SIK3: variants seen among roughly 807,000 people sequenced by gnomAD.
The protein encoded by SIK3 is serine/threonine-protein kinase SIK3.
A neutral mutation model predicts 144.2 loss-of-function variants in SIK3; 28 were observed. That is an observed-to-expected ratio of 0.19 (90% CI 0.14 to 0.27). The LOEUF (loss-of-function observed/expected upper bound fraction) is 0.27, where lower values mean the gene tolerates loss of function less well. Among genes scored for constraint, SIK3 ranks in the 10% least tolerant of loss-of-function variants. The probability of loss-of-function intolerance (pLI) is 1.00; values close to 1 mark genes in which losing one functional copy is unlikely to be tolerated. For missense variants in SIK3, 1,319 were observed against 1,776.0 expected, an observed-to-expected ratio of 0.74 and a Z score of 4.62; for synonymous variants, 686 against 676.3, an observed-to-expected ratio of 1.01 and a Z score of -0.22.
intron 4 of SIK3, among the ~76,000 whole-genome samples, chr11:116,919,641 C>G (rs925978450): frequency 6.6e-6 from 1 of 152,178 alleles, no homozygotes; most frequent in Admixed American, 6.5e-5. Context: ...TTTTCTCAGG[C>G]AATCTATTTT....
In SIK3 at chr11:116,858,348, C is replaced by T. The variant is rs1943097717; in HGVS notation, c.3117G>A (p.Glu1039=). ...GCTGCCTTTTAATGAGCTGTGCAAA[C>T]TCTGTTGGGGGCAGCCGGATGTCCG... ...GHSDIRLPPT[E]FAQLIKRQQQ... The change falls in exon 21 of 25, where the codon GAG becomes GAA. Residue 1039 remains glutamate (E), a synonymous_variant. Coordinates refer to ENST00000445177, the MANE Select transcript of SIK3 (RefSeq NM_001366686.3). The surrounding 1 kb of genome is among the most constrained non-coding windows in gnomAD (Gnocchi z 5.4). 1.2e-6 allele frequency: 2 copies of T among 1,613,756 alleles called. No individual in the cohort carries two copies. Among genetic ancestry groups the T allele is most frequent in the African/African-American group, 1.3e-5 (1 of 74,914 alleles).
intron 1 of SIK3, among the ~76,000 whole-genome samples, chr11:117,003,615 A>AC (rs1950937738): frequency 6.6e-6 from 1 of 152,104 alleles, no homozygotes; most frequent in East Asian, 1.9e-4. Flanking sequence ...ACAAAGCGAG[A>AC]CCCCAACTCT....
intron 1 of SIK3, among the ~76,000 whole-genome samples, chr11:117,008,510 A>G (rs1160572940): frequency 1.3e-5 from 2 of 152,192 alleles, no homozygotes; most frequent in African/African-American, 4.8e-5. Flanking sequence ...TATCAACTCG[A>G]ATTCTGCATG....
At chr11:117,047,869 A>AT (rs377303340) in intron 1 of SIK3, among the ~76,000 whole-genome samples, 18 of 152,280 alleles carry the variant, frequency 1.2e-4, no homozygotes, top group African/African-American at 4.1e-4. Flanking sequence ...GATCGTACTG[A>AT]TTTTTTTCTA....
intron 2 of SIK3, among the ~76,000 whole-genome samples, chr11:116,956,239 C>T (rs968787992): frequency 3.3e-5 from 5 of 151,960 alleles, no homozygotes; most frequent in Non-Finnish European, 7.4e-5. Flanking sequence ...CCTCCTATCC[C>T]GCTTGAAATT....
intron 1 of SIK3, among the ~76,000 whole-genome samples, chr11:117,038,802 C>A (rs916514202): frequency 6.6e-6 from 1 of 152,130 alleles, no homozygotes; most frequent in Admixed American, 6.5e-5. Context: ...GTAATCCCAG[C>A]ACTTTGGGAG....
At chr11:116,950,585 T>C (rs944961264) in intron 3 of SIK3, among the ~76,000 whole-genome samples, 1 of 152,252 alleles carries the variant, frequency 6.6e-6, no homozygotes, top group Non-Finnish European at 1.5e-5. Context: ...GTTAATTTTC[T>C]ATTGTTCTGT....
rs550561269 is a variant in SIK3, at chr11:116,929,810, G to C, written c.455-2430C>G. On this transcript the variant is annotated intron_variant, in intron 3 of 24. Transcript: ENST00000445177. ...AAAGACATTTTTGAAAAGGTCCACTGAATACTATATAGGGAATACTTAAAC... is the reference window on the plus strand; with the variant it reads ...AAAGACATTTTTGAAAAGGTCCACTCAATACTATATAGGGAATACTTAAAC... Among the ~76,000 whole-genome samples, 4 of 152,340 alleles carry C rather than the reference G, an allele frequency of 2.6e-5. No individual in the cohort carries two copies. The South Asian group carries it at 8.3e-4, about 32-fold the overall frequency.
chr11:116,857,868 T>C lies in SIK3; in HGVS notation c.3597A>G (p.Ile1199Met). Reference sequence around the variant, plus strand: ...CAGTTGGCTGATGACCATAGGGATGTATCCCCAATTCTTGGGCATGACTCA... The same window carrying C: ...CAGTTGGCTGATGACCATAGGGATGCATCCCCAATTCTTGGGCATGACTCA... ...GTVSHAQELG[I>M]HPYGHQPTAA... The change falls in exon 21 of 25, where the codon ATA becomes ATG. Residue 1199 changes from isoleucine (I) to methionine (M), a missense_variant. By Grantham distance (10) the Ile-to-Met change is conservative (BLOSUM62 1). Around this residue, in one of 8 missense-constraint regions of SIK3, gnomAD observed 646 missense variants for 763.7 expected, o/e 0.85. Transcript: ENST00000445177. 3 of 1,614,244 alleles carry C rather than the reference T, an allele frequency of 1.9e-6. No individual in the cohort carries two copies. The highest frequency in any genetic ancestry group is 1.7e-6 in the Non-Finnish European group (2 of 1,180,054).
In SIK3 at chr11:116,876,276, G is replaced by A. The variant is rs930897070; in HGVS notation, c.1072C>T (p.Leu358=). ...DVLLAMEDMG[L]DKEQTLQSLR... ...ACCTGCAGTGTCTGTTCTTTGTCCAGTCCCATGTCCTCCATGGCCAAGAGG... is the reference window on the plus strand; with the variant it reads ...ACCTGCAGTGTCTGTTCTTTGTCCAATCCCATGTCCTCCATGGCCAAGAGG... Residue 358 remains leucine (L), a synonymous_variant, in exon 8 of 25, where the codon CTG becomes TTG. Transcript: ENST00000445177. 5 of 1,614,162 alleles carry A rather than the reference G, an allele frequency of 3.1e-6. No homozygotes were observed. Among genetic ancestry groups the A allele is most frequent in the Admixed American group, 3.3e-5 (2 of 60,030 alleles).
intron 6 of SIK3, among the ~76,000 whole-genome samples, chr11:116,892,668 AC>A (rs558086554): frequency 5.2e-4 from 79 of 152,336 alleles, no homozygotes; most frequent in Non-Finnish European, 1.0e-3. Flanking sequence ...GCAGTTTCCT[AC>A]AAAACTATCC....
At chr11:116,876,046 G>A (rs1350082210) in intron 8 of SIK3, 37 bp from the exon 9 acceptor site, 2 of 1,610,280 alleles carry the variant, frequency 1.2e-6, no homozygotes, top group Non-Finnish European at 1.7e-6. Flanking sequence ...CAAAACCCTG[G>A]TGAAATGGCA....
At chr11:117,011,095 G>C (rs1951232736) in intron 1 of SIK3, among the ~76,000 whole-genome samples, 1 of 152,208 alleles carries the variant, frequency 6.6e-6, no homozygotes, top group South Asian at 2.1e-4. Context: ...ACTACAGCCT[G>C]GGGGACAGCG....
intron 6 of SIK3, among the ~76,000 whole-genome samples, chr11:116,879,491 C>G (rs930770321): frequency 6.6e-6 from 1 of 152,182 alleles, no homozygotes; most frequent in South Asian, 2.1e-4. Context: ...CTTGACTACC[C>G]TATTATACAT....
intron 3 of SIK3, among the ~76,000 whole-genome samples, chr11:116,928,888 A>G (rs972386027): frequency 3.9e-5 from 6 of 152,232 alleles, no homozygotes; most frequent in African/African-American, 1.4e-4. Context: ...CCTCAAAAAT[A>G]CAAGTCATTG....
intron 1 of SIK3, among the ~76,000 whole-genome samples, chr11:117,042,312 T>C (rs1242788269): frequency 1.3e-5 from 2 of 152,158 alleles, no homozygotes; most frequent in Non-Finnish European, 1.5e-5. Flanking sequence ...ATTCTTTAGA[T>C]CTATTGGCTG....
chr11:117,055,596 G>T (rs1392336663), intron 1 of SIK3, among the ~76,000 whole-genome samples: 1 of 152,210 alleles, frequency 6.6e-6, no homozygotes, highest in Non-Finnish European at 1.5e-5. Context: ...GAATATAATC[G>T]CTTAACAAGT....
chr11:117,096,021 T>G (rs894059286), intron 1 of SIK3, among the ~76,000 whole-genome samples: 4 of 152,278 alleles, frequency 2.6e-5, no homozygotes, highest in Middle Eastern at 3.4e-3. Context: ...GCTGCAGTCC[T>G]AAAGGATACC....
At chr11:117,031,099 GT>G (rs1352211019) in intron 1 of SIK3, among the ~76,000 whole-genome samples, 2 of 152,060 alleles carry the variant, frequency 1.3e-5, no homozygotes, top group African/African-American at 2.4e-5. Flanking sequence ...CCAGTCTGTA[GT>G]TTGCCTTTTC....
Sources: allele counts gnomAD v4.1 joint callset (sites outside exome capture counted in the v4.1 genomes callset), GRCh38; gene constraint gnomAD v4.1.1; regional missense constraint gnomAD v4.1.1; non-coding constraint Gnocchi (gnomAD v3.1); transcripts MANE v1.5; gene names NCBI Gene and HGNC (gene_info 2026-07-23, HGNC 2026-07-21).